NPAS3: variants seen among roughly 807,000 people sequenced by gnomAD.
The protein encoded by NPAS3 is neuronal PAS domain protein 3.
In NPAS3, 14 loss-of-function variants were observed where a neutral mutation model predicts 73.1. The ratio of observed to expected loss-of-function variants is 0.19; its 90% CI spans 0.13 to 0.30. The LOEUF (loss-of-function observed/expected upper bound fraction) is 0.30, where lower values mean the gene tolerates loss of function less well. Ranked by LOEUF, NPAS3 falls within the 10% of genes least tolerant of loss-of-function variation. The pLI is 1.00. For missense variants in NPAS3, 1,096 were observed against 1,250.0 expected, an observed-to-expected ratio of 0.88 and a Z score of 1.86; for synonymous variants, 620 against 541.5, an observed-to-expected ratio of 1.14 and a Z score of -2.01.
rs138831428 is a variant in NPAS3 at position 33,592,697 on chromosome 14, G to T, written c.558+32487G>T. On this transcript the variant is annotated intron_variant, in intron 5 of 11. Coordinates refer to ENST00000356141, the Ensembl canonical transcript of NPAS3. ...GGCAGGAAATGCATTTGAGCCAGGGGACTAGGAAGTCTTAAATGCGAAGCA... is the reference window on the plus strand; with the variant it reads ...GGCAGGAAATGCATTTGAGCCAGGGTACTAGGAAGTCTTAAATGCGAAGCA... 2.0e-4 allele frequency among the ~76,000 whole-genome samples: 30 copies of T among 152,308 alleles called. 1 individual carries two copies. Among genetic ancestry groups the T allele is most frequent in the African/African-American group, 7.2e-4 (30 of 41,580 alleles).
intron 4 of NPAS3, among the ~76,000 whole-genome samples, chr14:33,386,892 C>T (rs937193958): frequency 5.9e-5 from 9 of 151,968 alleles, no homozygotes; most frequent in Non-Finnish European, 1.2e-4. Flanking sequence ...GATCTAGCAT[C>T]GAAAGTATAG....
chr14:33,681,046 C>G (rs1247288024), intron 6 of NPAS3: 1 of 163,368 alleles, frequency 6.1e-6, no homozygotes, highest in Non-Finnish European at 1.3e-5. Flanking sequence ...CAACTTATGC[C>G]TCTGTGCTAT....
chr14:33,460,477 G>T (rs935520446), intron 4 of NPAS3, among the ~76,000 whole-genome samples: 3 of 152,092 alleles, frequency 2.0e-5, no homozygotes, highest in Non-Finnish European at 4.4e-5. Context: ...AAATGCTTTT[G>T]CACTTGTGGA....
intron 4 of NPAS3, among the ~76,000 whole-genome samples, chr14:33,526,813 A>G (rs1307515008): frequency 6.6e-6 from 1 of 152,114 alleles, no homozygotes; most frequent in Non-Finnish European, 1.5e-5. Context: ...GCGGCACATC[A>G]TTAAGGCCAG....
At chr14:33,316,054 GT>G (rs2043196974) in intron 3 of NPAS3, among the ~76,000 whole-genome samples, 1 of 152,056 alleles carries the variant, frequency 6.6e-6, no homozygotes, top group Admixed American at 6.6e-5. Context: ...GCATGTTCCT[GT>G]GAGAAATTAT....
intron 5 of NPAS3, among the ~76,000 whole-genome samples, chr14:33,574,258 A>G (rs2056345012): frequency 6.6e-6 from 1 of 152,168 alleles, no homozygotes; most frequent in South Asian, 2.1e-4. Flanking sequence ...AAGGCAGCAT[A>G]TACGATACAG....
chr14:33,264,762 C>T (rs927896243), intron 3 of NPAS3, among the ~76,000 whole-genome samples: 1 of 152,122 alleles, frequency 6.6e-6, no homozygotes, highest in Non-Finnish European at 1.5e-5. Context: ...TTTCCTTCCT[C>T]TCCTTTTCTG....
chr14:33,327,410 C>T (rs1231051288), intron 3 of NPAS3, among the ~76,000 whole-genome samples: 4 of 152,098 alleles, frequency 2.6e-5, no homozygotes, highest in Non-Finnish European at 4.4e-5. Flanking sequence ...AAATACCTGG[C>T]TTAAATACAA....
intron 2 of NPAS3, among the ~76,000 whole-genome samples, chr14:33,186,246 C>T (rs1005289355): frequency 2.6e-5 from 4 of 152,172 alleles, no homozygotes; most frequent in East Asian, 3.9e-4. Flanking sequence ...TAAGTACACT[C>T]TGGTTGTGCC....
At chr14:33,502,716 A>T (rs187390199) in intron 4 of NPAS3, among the ~76,000 whole-genome samples, 3 of 151,956 alleles carry the variant, frequency 2.0e-5, no homozygotes, top group Non-Finnish European at 1.5e-5. Flanking sequence ...CTTTCCTTAA[A>T]TCTTCAGAAT....
chr14:32,979,644 A>G (rs1454273364), intron 1 of NPAS3, among the ~76,000 whole-genome samples: 1 of 152,222 alleles, frequency 6.6e-6, no homozygotes, highest in Non-Finnish European at 1.5e-5. Flanking sequence ...GGGCTGCAAT[A>G]TAGTAGAGTC....
downstream of NPAS3, chr14:33,801,908 A>G (rs1280285078): frequency 3.3e-5 from 5 of 152,130 alleles, no homozygotes; most frequent in African/African-American, 4.8e-5. Flanking sequence ...CCGTTGCTGC[A>G]GTCTCCTTGG....
intron 11 of NPAS3, among the ~76,000 whole-genome samples, chr14:33,799,074 G>C (rs1275355079): frequency 6.6e-6 from 1 of 152,042 alleles, no homozygotes; most frequent in Non-Finnish European, 1.5e-5. Context: ...GAGCCGGGGA[G>C]GGCAAGGTTG....
At chr14:33,163,424 C>T (rs557350726) in intron 2 of NPAS3, among the ~76,000 whole-genome samples, 1 of 152,266 alleles carries the variant, frequency 6.6e-6, no homozygotes, top group South Asian at 2.1e-4. Context: ...CACACAGTCG[C>T]AAATTGAGTT....
chr14:33,551,803 A>T (rs1478592724), intron 4 of NPAS3, among the ~76,000 whole-genome samples: 2 of 152,122 alleles, frequency 1.3e-5, no homozygotes, highest in African/African-American at 4.8e-5. Flanking sequence ...ACTCATGGGA[A>T]TTTCTTCAAA....
Position 33,650,429 on chromosome 14 carries a change from G to GA in NPAS3, c.559-25773dup, listed in dbSNP as rs993398118. Among the ~76,000 whole-genome samples, 267 of 150,486 alleles carry GA rather than the reference G, an allele frequency of 1.8e-3. 1 individual carries two copies. Among genetic ancestry groups the GA allele is most frequent in the African/African-American group, 6.1e-3 (251 of 41,030 alleles). Reference sequence around the variant, plus strand: ...AGAGACATCCCTCACCCCAATTGAAGAAAAAAAAACCCTCAAAGAAACCTA... The same window carrying GA: ...AGAGACATCCCTCACCCCAATTGAAGAAAAAAAAAACCCTCAAAGAAACCTA... On this transcript the variant is annotated intron_variant, in intron 5 of 11. Transcript: ENST00000356141.
At chr14:33,222,658 T>C (rs1810622632) in intron 3 of NPAS3, among the ~76,000 whole-genome samples, 1 of 152,238 alleles carries the variant, frequency 6.6e-6, no homozygotes, top group African/African-American at 2.4e-5. Context: ...GGTCATCTTA[T>C]TCCTTTTTAT....
intron 7 of NPAS3, among the ~76,000 whole-genome samples, chr14:33,752,550 G>A (rs972251515): frequency 6.6e-6 from 1 of 152,208 alleles, no homozygotes; most frequent in Non-Finnish European, 1.5e-5. Context: ...ACACAGAGCT[G>A]ATGCACAATA....
intron 3 of NPAS3, among the ~76,000 whole-genome samples, chr14:33,252,889 G>C (rs2048641311): frequency 6.6e-6 from 1 of 151,904 alleles, no homozygotes; most frequent in African/African-American, 2.4e-5. Flanking sequence ...AGAACATGCT[G>C]TATTTGACTT....
Sources: allele counts gnomAD v4.1 joint callset (sites outside exome capture counted in the v4.1 genomes callset), GRCh38; gene constraint gnomAD v4.1.1; transcripts MANE v1.5; gene names NCBI Gene and HGNC (gene_info 2026-07-23, HGNC 2026-07-21).